Variants in NBEAL1 observed in about 807,000 individuals in gnomAD.
NBEAL1 encodes the protein neurobeachin-like protein 1.
A neutral mutation model predicts 351.3 loss-of-function variants in NBEAL1; 273 were observed. The ratio of observed to expected loss-of-function variants is 0.78; its 90% confidence interval spans 0.70 to 0.86. The LOEUF is 0.86. NBEAL1 is among the 40% of genes least tolerant of loss of function. The pLI is 0.00. For synonymous variants in NBEAL1, 1,050 were observed against 1,086.4 expected (o/e 0.97, Z 0.66); for missense variants, 2,961 against 3,201.3 (o/e 0.92, Z 1.81).
At chr2:203,175,757 A>G (rs1449985770) in intron 42 of NBEAL1, among the ~76,000 whole-genome samples, 1 of 152,162 alleles carries the variant, frequency 6.6e-6, no homozygotes, top group Non-Finnish European at 1.5e-5. Context: ...ACATTTTCCT[A>G]ATCCTAAGGA....
chr2:203,104,436 G>T (rs1454920477), intron 12 of NBEAL1, among the ~76,000 whole-genome samples: 1 of 152,184 alleles, frequency 6.6e-6, no homozygotes, highest in Admixed American at 6.5e-5. Flanking sequence ...GGGTGTCACT[G>T]CATGTGAGAT....
rs527546491 is a variant in NBEAL1 at position 203,094,358 on chromosome 2, A to C, written c.1099-3189A>C. Among the ~76,000 whole-genome samples, 8 of 152,362 alleles carry C rather than the reference A, an allele frequency of 5.3e-5. No homozygotes were observed. In the East Asian group the frequency reaches 1.5e-3, roughly 29 times the overall value. On this transcript the variant is annotated intron_variant, in intron 10 of 55. Coordinates refer to ENST00000683969, the MANE Select transcript of NBEAL1 (RefSeq NM_001378026.1). Reference sequence around the variant, plus strand: ...CCTAACTCCCCAAATATACCGCATGATGCCACAGATGTCCACGATTACTTT... The same window carrying C: ...CCTAACTCCCCAAATATACCGCATGCTGCCACAGATGTCCACGATTACTTT...
intron 36 of NBEAL1, among the ~76,000 whole-genome samples, chr2:203,164,868 T>G (rs2064084407): frequency 6.6e-6 from 1 of 151,284 alleles, no homozygotes; most frequent in Admixed American, 6.6e-5. Context: ...TCTCTTTTTT[T>G]TTTTTTTTTT....
At chr2:203,114,672 A>G (rs1207522374) in intron 17 of NBEAL1, among the ~76,000 whole-genome samples, 2 of 152,172 alleles carry the variant, frequency 1.3e-5, no homozygotes, top group African/African-American at 4.8e-5. Context: ...TTTAGATTGC[A>G]TGGGAATTTT....
chr2:203,140,165 T>C (rs1261338671), intron 31 of NBEAL1, among the ~76,000 whole-genome samples: 1 of 151,966 alleles, frequency 6.6e-6, no homozygotes, highest in Non-Finnish European at 1.5e-5. Context: ...TAGCCGGGCG[T>C]GCTGGCGCAT....
chr2:203,029,384 A>T (rs1188073271), intron 2 of NBEAL1, among the ~76,000 whole-genome samples: 2 of 152,238 alleles, frequency 1.3e-5, no homozygotes, highest in Non-Finnish European at 2.9e-5. Context: ...AACATTGCAG[A>T]TGTGGGCCAG....
At position 203,224,159 on chromosome 2, in the gene NBEAL1, A is replaced by C. The variant is rs1001338204; in HGVS notation, c.*6805A>C. Reference sequence around the variant, plus strand: ...TAGATCTTACTATTAAAGATCTTTTATATTTTAAACTGTTTTTTTCCTATT... The same window carrying C: ...TAGATCTTACTATTAAAGATCTTTTCTATTTTAAACTGTTTTTTTCCTATT... On this transcript the variant is annotated 3_prime_UTR_variant, in exon 56 of 56. Transcript: ENST00000683969. Among the ~76,000 whole-genome samples the C allele has an allele frequency of 2.0e-5, 3 of 152,030 alleles. No homozygotes were observed. The South Asian group carries it at 6.2e-4, about 32-fold the overall frequency.
chr2:203,064,202 C>T (rs536085024), intron 6 of NBEAL1, among the ~76,000 whole-genome samples: 39 of 152,090 alleles, frequency 2.6e-4, no homozygotes, highest in Admixed American at 1.8e-3. Flanking sequence ...TACAGGCGTG[C>T]ACCACCATGC....
chr2:203,206,299 G>A (rs2065554522), intron 51 of NBEAL1, among the ~76,000 whole-genome samples: 3 of 152,168 alleles, frequency 2.0e-5, no homozygotes, highest in Non-Finnish European at 2.9e-5. Context: ...TCAAAGGGCT[G>A]CAGCCAAGAC....
chr2:203,172,500 G>T (rs1030639926), intron 40 of NBEAL1, among the ~76,000 whole-genome samples: 13 of 151,986 alleles, frequency 8.6e-5, no homozygotes, highest in African/African-American at 3.1e-4. Context: ...CAGCCTGGGT[G>T]ACAGAGCAAG....
intron 17 of NBEAL1, among the ~76,000 whole-genome samples, chr2:203,114,924 TTA>T (rs1351603596): frequency 6.6e-6 from 1 of 151,596 alleles, no homozygotes; most frequent in Non-Finnish European, 1.5e-5. Context: ...GCTAATTATT[TTA>T]TTTTTAGTAG....
chr2:203,195,615 A>G (rs926031477), intron 47 of NBEAL1, among the ~76,000 whole-genome samples: 3 of 152,230 alleles, frequency 2.0e-5, no homozygotes, highest in Non-Finnish European at 4.4e-5. Flanking sequence ...TTACAGTGAA[A>G]GGATACAAAG....
chr2:203,047,717 A>G (rs993448501), intron 3 of NBEAL1, among the ~76,000 whole-genome samples: 2 of 150,020 alleles, frequency 1.3e-5, no homozygotes, highest in African/African-American at 4.9e-5. Flanking sequence ...GAGAAGTTGC[A>G]GTCACAATTT....
At chr2:203,116,782 C>G (rs1173905787) in intron 18 of NBEAL1, among the ~76,000 whole-genome samples, 3 of 143,674 alleles carry the variant, frequency 2.1e-5, no homozygotes, top group Admixed American at 7.1e-5. Context: ...AGAGCAAGAC[C>G]CTGTCTCAAA....
chr2:203,085,015 T>TA (rs2061937624), intron 10 of NBEAL1: 1 of 155,424 alleles, frequency 6.4e-6, no homozygotes. Context: ...TAGGGAGTGT[T>TA]ATATAAAACA....
At chr2:203,109,840 A>G (rs1048824252) in intron 14 of NBEAL1, among the ~76,000 whole-genome samples, 1 of 152,086 alleles carries the variant, frequency 6.6e-6, no homozygotes, top group Non-Finnish European at 1.5e-5. Context: ...GATTTTAAAG[A>G]CCTTTATTTA....
intron 12 of NBEAL1, among the ~76,000 whole-genome samples, chr2:203,101,130 C>T (rs968569627): frequency 3.3e-5 from 5 of 151,816 alleles, no homozygotes; most frequent in South Asian, 2.1e-4. Flanking sequence ...AAATCTTTGC[C>T]AGGTCCTATT....
intron 51 of NBEAL1, among the ~76,000 whole-genome samples, chr2:203,205,065 T>C: frequency 6.6e-6 from 1 of 152,196 alleles, no homozygotes; most frequent in Non-Finnish European, 1.5e-5. Context: ...CCCCGCCTTA[T>C]ATCTAATTTT....
chr2:203,211,316 AT>A (rs1305313509), intron 54 of NBEAL1, among the ~76,000 whole-genome samples: 2 of 151,982 alleles, frequency 1.3e-5, no homozygotes, highest in African/African-American at 4.8e-5. Flanking sequence ...TATGTAGAAA[AT>A]TTTACATTAT....
Sources: allele counts gnomAD v4.1 joint callset (sites outside exome capture counted in the v4.1 genomes callset), GRCh38; gene constraint gnomAD v4.1.1; transcripts MANE v1.5; gene names NCBI Gene and HGNC (gene_info 2026-07-23, HGNC 2026-07-21).